Variants in COMMD1 observed in about 807,000 individuals in gnomAD.
COMMD1 encodes the protein COMM domain-containing protein 1.
A neutral mutation model predicts 17.2 loss-of-function variants in COMMD1; 10 were observed. The ratio of observed to expected loss-of-function variants is 0.58; its 90% CI spans 0.36 to 0.99. COMMD1 has a LOEUF of 0.99. COMMD1 is among the 50% of genes least tolerant of loss of function. COMMD1 has a pLI of 0.01. For missense variants in COMMD1, 270 were observed against 231.8 expected (o/e 1.17, Z -1.07); for synonymous variants, 97 against 91.6 (o/e 1.06, Z -0.34).
At chr2:62,116,676 CAAAAAAAAAAAAAA>C (rs70962759) in intron 2 of COMMD1, among the ~76,000 whole-genome samples, 3 of 28,538 alleles carry the variant, frequency 1.1e-4, no homozygotes, top group African/African-American at 1.5e-4. Context: ...TGTCTCATTA[CAAAAAAAAAAAAAA>C]AAAAAAAAAA....
intron 1 of COMMD1, among the ~76,000 whole-genome samples, chr2:61,991,977 A>G (rs1672264414): frequency 6.6e-6 from 1 of 152,250 alleles, no homozygotes; most frequent in African/African-American, 2.4e-5. Flanking sequence ...AAATTAAAAC[A>G]TAATTTCTAA....
intron 1 of COMMD1, among the ~76,000 whole-genome samples, chr2:61,973,481 C>T (rs1050210078): frequency 6.6e-6 from 1 of 152,116 alleles, no homozygotes; most frequent in Non-Finnish European, 1.5e-5. Flanking sequence ...TTGTCATTGT[C>T]TTGATTATTA....
In COMMD1 at chr2:61,928,874, G is replaced by A. The variant is rs117685477; in HGVS notation, c.180+23016G>A. Among the ~76,000 whole-genome samples, 206 of 152,248 alleles carry A rather than the reference G, an allele frequency of 1.4e-3. 4 individuals are homozygous for A. In the East Asian group the frequency reaches 0.03, roughly 22 times the overall value. On this transcript the variant is annotated intron_variant, in intron 1 of 2. Transcript: ENST00000311832. Reference sequence around the variant, plus strand: ...ATCTGAAATGTCAATCTTAAAAAAAGGATACTAGAGAAAACTATGTCTATA... The same window carrying A: ...ATCTGAAATGTCAATCTTAAAAAAAAGATACTAGAGAAAACTATGTCTATA...
In COMMD1 at chr2:62,019,111, C is replaced by G. The variant is rs1573077578; in HGVS notation, c.462+18129C>G. 2.6e-5 allele frequency among the ~76,000 whole-genome samples: 3 copies of G among 114,280 alleles called. No individual in the cohort carries two copies. The Admixed American group carries it at 2.8e-4, about 11-fold the overall frequency. 75.0% of individuals were successfully genotyped at this position (114,280 alleles called of 152,430 possible). ...CTTTCTCTCTCTCTCTTCCCTCCCT[C>G]CCTCCCTCCCTCCCTCCCTCCCTTC... On this transcript the variant is annotated intron_variant, in intron 2 of 2. Coordinates refer to ENST00000311832, the MANE Select transcript of COMMD1 (RefSeq NM_152516.4).
intron 2 of COMMD1, among the ~76,000 whole-genome samples, chr2:62,089,658 T>A (rs1364091335): frequency 1.3e-5 from 2 of 152,170 alleles, no homozygotes; most frequent in East Asian, 1.9e-4. Context: ...CCTTGTCTCA[T>A]AATGTTATGC....
chr2:61,977,942 T>G (rs185450453), intron 1 of COMMD1, among the ~76,000 whole-genome samples: 2 of 151,306 alleles, frequency 1.3e-5, no homozygotes, highest in East Asian at 3.9e-4. Context: ...TGAGCCGAGA[T>G]AGTGCTGCTG....
chr2:61,935,446 T>C (rs1289795593), intron 1 of COMMD1, among the ~76,000 whole-genome samples: 1 of 152,114 alleles, frequency 6.6e-6, no homozygotes, highest in African/African-American at 2.4e-5. Flanking sequence ...CTGGCCAACA[T>C]GGTGAAACCC....
upstream of COMMD1, chr2:61,888,466 C>A: frequency 6.2e-7 from 1 of 1,612,062 alleles, no homozygotes; most frequent in Non-Finnish European, 8.5e-7. Context: ...CGCCGGCAGC[C>A]CCGGCAGTCG....
chr2:61,953,531 C>T (rs1671114629), intron 1 of COMMD1, among the ~76,000 whole-genome samples: 1 of 151,802 alleles, frequency 6.6e-6, no homozygotes, highest in Non-Finnish European at 1.5e-5. Flanking sequence ...ACCATGCCAC[C>T]TAATTTCTTT....
chr2:61,959,822 G>A (rs987023705), intron 1 of COMMD1, among the ~76,000 whole-genome samples: 4 of 152,188 alleles, frequency 2.6e-5, no homozygotes, highest in Non-Finnish European at 4.4e-5. Flanking sequence ...GTCCAGCCAC[G>A]AGAGCACACC....
intron 2 of COMMD1, among the ~76,000 whole-genome samples, chr2:62,003,317 G>C (rs1669012799): frequency 6.6e-6 from 1 of 151,810 alleles, no homozygotes; most frequent in African/African-American, 2.4e-5. Flanking sequence ...CAAGGCAGGT[G>C]GATCACGAGA....
rs188380906 is a variant in COMMD1, at chr2:62,062,887, T to C, written c.462+61905T>C. Among the ~76,000 whole-genome samples, 46 of 151,704 alleles carry C rather than the reference T, an allele frequency of 3.0e-4. No homozygotes were observed. In the East Asian group the frequency reaches 5.7e-3, roughly 19 times the overall value. ...GAGTTCGTGACCAGCCTGGGCAACG[T>C]AGGGACACCCTGTCTCTACCAAAAA... On this transcript the variant is annotated intron_variant, in intron 2 of 2. Coordinates refer to ENST00000311832, the MANE Select transcript of COMMD1 (RefSeq NM_152516.4).
At chr2:62,121,174 A>G (rs928713851) in intron 2 of COMMD1, among the ~76,000 whole-genome samples, 21 of 151,962 alleles carry the variant, frequency 1.4e-4, no homozygotes, top group Non-Finnish European at 2.4e-4. Flanking sequence ...GTTCGAGACC[A>G]GCCTGGCCAA....
intron 2 of COMMD1, among the ~76,000 whole-genome samples, chr2:62,115,948 G>T (rs963741185): frequency 6.8e-6 from 1 of 148,088 alleles, no homozygotes; most frequent in African/African-American, 2.5e-5. Context: ...TGCTTCCTGG[G>T]CTCAATTGAT....
At chr2:62,082,021 A>G (rs1671538270) in intron 2 of COMMD1, among the ~76,000 whole-genome samples, 1 of 152,274 alleles carries the variant, frequency 6.6e-6, no homozygotes, top group South Asian at 2.1e-4. Context: ...TAGTTAGAAA[A>G]TGTCATTGAA....
intron 2 of COMMD1, among the ~76,000 whole-genome samples, chr2:62,035,105 C>G (rs1286707891): frequency 6.6e-6 from 1 of 152,216 alleles, no homozygotes; most frequent in Non-Finnish European, 1.5e-5. Flanking sequence ...AAGATCCACA[C>G]TACTACAGCA....
In COMMD1 at chr2:62,081,327, C is replaced by G. The variant is rs575662716; in HGVS notation, c.463-54504C>G. Among the ~76,000 whole-genome samples the G allele has an allele frequency of 7.9e-5, 12 of 151,708 alleles. No homozygotes were observed. The East Asian group carries it at 1.5e-3, about 20-fold the overall frequency. On this transcript the variant is annotated intron_variant, in intron 2 of 2. Coordinates refer to ENST00000311832, the MANE Select transcript of COMMD1 (RefSeq NM_152516.4). ...AGTGCAATGGCGTGATCTCGGCTCA[C>G]TGCAACCTCCGCCTCCCGGGTTCAA...
intron 1 of COMMD1, among the ~76,000 whole-genome samples, chr2:61,919,993 C>G (rs546497069): frequency 6.6e-6 from 1 of 152,244 alleles, no homozygotes; most frequent in African/African-American, 2.4e-5. Context: ...GCCAGGCATA[C>G]TAGCCCATGT....
At chr2:61,955,180 G>A (rs1291360729) in intron 1 of COMMD1, among the ~76,000 whole-genome samples, 1 of 151,984 alleles carries the variant, frequency 6.6e-6, no homozygotes, top group Non-Finnish European at 1.5e-5. Flanking sequence ...ATATTTCTTT[G>A]GTGAAATGTC....
Sources: allele counts gnomAD v4.1 joint callset (sites outside exome capture counted in the v4.1 genomes callset), GRCh38; gene constraint gnomAD v4.1.1; transcripts MANE v1.5; gene names NCBI Gene and HGNC (gene_info 2026-07-23, HGNC 2026-07-21).